The following SLC35F1 variants were observed in gnomAD, a reference collection of about 807,000 sequenced individuals.
SLC35F1 encodes the protein solute carrier family 35 member F1, also known as chromosome 6 open reading frame 169.
Under a neutral mutation model 48.7 loss-of-function variants are expected in SLC35F1, and 14 were observed. The ratio of observed to expected loss-of-function variants is 0.29; its 90% CI spans 0.19 to 0.45. The LOEUF is 0.45. SLC35F1 is among the 20% of genes least tolerant of loss of function. The pLI is 1.00. For synonymous variants in SLC35F1, 190 were observed against 202.2 expected, an observed-to-expected ratio of 0.94 and a Z score of 0.51; for missense variants, 404 against 500.0, an observed-to-expected ratio of 0.81 and a Z score of 1.83.
chr6:117,932,090 T>G (rs1776108794), intron 1 of SLC35F1, among the ~76,000 whole-genome samples: 1 of 152,144 alleles, frequency 6.6e-6, no homozygotes, highest in African/African-American at 2.4e-5. Context: ...CTTCCATATC[T>G]TCTGCCACAT....
At chr6:118,108,166 AAACT>A (rs1773351029) in intron 1 of SLC35F1, among the ~76,000 whole-genome samples, 1 of 152,144 alleles carries the variant, frequency 6.6e-6, no homozygotes, top group African/African-American at 2.4e-5. Flanking sequence ...ACACACACAC[AAACT>A]GTGTTTCCAA....
chr6:118,039,846 A>G (rs990818623), intron 1 of SLC35F1, among the ~76,000 whole-genome samples: 33 of 73,000 alleles, frequency 4.5e-4, no homozygotes, highest in African/African-American at 1.4e-3. Context: ...ACTTATTTCT[A>G]CTTCTTTGTA....
chr6:117,976,433 G>A (rs1371110436), intron 1 of SLC35F1, among the ~76,000 whole-genome samples: 3 of 152,152 alleles, frequency 2.0e-5, no homozygotes, highest in South Asian at 2.1e-4. Context: ...GGCAAACTCA[G>A]TTTTAAGGGA....
chr6:118,238,920 G>A (rs1775401610), intron 3 of SLC35F1, among the ~76,000 whole-genome samples: 1 of 152,008 alleles, frequency 6.6e-6, no homozygotes, highest in African/African-American at 2.4e-5. Flanking sequence ...GAGTCAGGGT[G>A]GGATCAACGC....
At chr6:118,094,990 G>A (rs1210716073) in intron 1 of SLC35F1, among the ~76,000 whole-genome samples, 1 of 151,084 alleles carries the variant, frequency 6.6e-6, no homozygotes, top group Non-Finnish European at 1.5e-5. Context: ...AAAGTAGCCA[G>A]GCATGATGGT....
chr6:118,155,892 A>G (rs148488392), intron 2 of SLC35F1, among the ~76,000 whole-genome samples: 20 of 152,348 alleles, frequency 1.3e-4, no homozygotes, highest in African/African-American at 2.9e-4. Flanking sequence ...TTTAATTTTT[A>G]CATTTATTTA....
chr6:118,202,597 T>C (rs1327225363), intron 2 of SLC35F1, among the ~76,000 whole-genome samples: 2 of 152,236 alleles, frequency 1.3e-5, no homozygotes, highest in African/African-American at 4.8e-5. Flanking sequence ...GGATGGTAGA[T>C]AAGTTCATTG....
At chr6:118,141,947 T>G (rs1469866103) in intron 1 of SLC35F1, among the ~76,000 whole-genome samples, 9 of 152,208 alleles carry the variant, frequency 5.9e-5, no homozygotes, top group Non-Finnish European at 1.2e-4. Context: ...CCTTCTTTGT[T>G]CTTAAAGAAA....
chr6:117,994,982 A>G (rs1305514620), intron 1 of SLC35F1, among the ~76,000 whole-genome samples: 1 of 152,212 alleles, frequency 6.6e-6, no homozygotes, highest in African/African-American at 2.4e-5. Context: ...GTAAAATTTC[A>G]TATCAGCACT....
rs548916543 is a variant in SLC35F1, at chr6:118,179,970, C to T, written c.349+25350C>T. On this transcript the variant is annotated intron_variant, in intron 2 of 7. Coordinates refer to ENST00000360388, the MANE Select transcript of SLC35F1 (RefSeq NM_001029858.4). ...GTTGGACCAGAGACCTAGAGTAAATCCAGGAAACTCTCAGTGGATGAGCTA... is the reference window on the plus strand; with the variant it reads ...GTTGGACCAGAGACCTAGAGTAAATTCAGGAAACTCTCAGTGGATGAGCTA... Among the ~76,000 whole-genome samples, 8 of 152,162 alleles carry T rather than the reference C, an allele frequency of 5.3e-5. No individual in the cohort carries two copies. In the East Asian group the frequency reaches 1.5e-3, roughly 29 times the overall value.
chr6:118,277,465 C>A, intron 5 of SLC35F1, 29 bp from the exon 6 acceptor site: 2 of 1,605,832 alleles, frequency 1.2e-6, no homozygotes, highest in South Asian at 1.1e-5. Context: ...TAATCTTGCT[C>A]ATCAGGTTCA....
At chr6:118,001,896 A>G (rs1386454537) in intron 1 of SLC35F1, among the ~76,000 whole-genome samples, 5 of 151,314 alleles carry the variant, frequency 3.3e-5, no homozygotes, top group African/African-American at 7.3e-5. Context: ...CAAAACCACA[A>G]TGAGATACCA....
chr6:118,132,886 C>T (rs931996641), intron 1 of SLC35F1, among the ~76,000 whole-genome samples: 21 of 152,172 alleles, frequency 1.4e-4, no homozygotes, highest in South Asian at 4.1e-4. Context: ...CTGTCTCCTT[C>T]GTATCAACAT....
chr6:118,088,119 A>G (rs1238894541), intron 1 of SLC35F1, among the ~76,000 whole-genome samples: 1 of 152,238 alleles, frequency 6.6e-6, no homozygotes, highest in Non-Finnish European at 1.5e-5. Context: ...TGGTTACTTT[A>G]ATAGTTACTT....
chr6:118,220,864 G>A (rs927162620), intron 2 of SLC35F1, among the ~76,000 whole-genome samples: 2 of 152,166 alleles, frequency 1.3e-5, no homozygotes, highest in African/African-American at 4.8e-5. Context: ...GCTTGGCATT[G>A]TCGAATGCCT....
At chr6:118,010,761 G>C (rs1162057766) in intron 1 of SLC35F1, among the ~76,000 whole-genome samples, 1 of 152,104 alleles carries the variant, frequency 6.6e-6, no homozygotes, top group South Asian at 2.1e-4. Context: ...TTTCTCTCAA[G>C]ACCATTGCGA....
chr6:118,232,199 GTGTAATA>G (rs1775300287), intron 2 of SLC35F1, among the ~76,000 whole-genome samples: 1 of 152,134 alleles, frequency 6.6e-6, no homozygotes. Context: ...ATAATCTAAT[GTGTAATA>G]GAGTGAAGAA....
intron 1 of SLC35F1, among the ~76,000 whole-genome samples, chr6:118,023,850 T>C (rs559716596): frequency 4.5e-4 from 68 of 152,214 alleles, no homozygotes; most frequent in Non-Finnish European, 8.1e-4. Flanking sequence ...GAAACTGCTC[T>C]CTAGCTTATT....
intron 1 of SLC35F1, among the ~76,000 whole-genome samples, chr6:117,966,036 C>T (rs1776558756): frequency 6.6e-6 from 1 of 151,800 alleles, no homozygotes; most frequent in South Asian, 2.1e-4. Flanking sequence ...GCAGGCCAAT[C>T]AGCACTCTGT....
Sources: allele counts gnomAD v4.1 joint callset (sites outside exome capture counted in the v4.1 genomes callset), GRCh38; gene constraint gnomAD v4.1.1; transcripts MANE v1.5; gene names NCBI Gene and HGNC (gene_info 2026-07-23, HGNC 2026-07-21).